The following DZANK1 variants were observed in gnomAD, a reference collection of about 807,000 sequenced individuals.
DZANK1 encodes the protein double zinc ribbon and ankyrin repeat-containing protein 1.
In DZANK1, 91 loss-of-function variants were observed where a neutral mutation model predicts 94.5. The ratio of observed to expected loss-of-function variants is 0.96; its 90% CI spans 0.81 to 1.15. The LOEUF is 1.15. Ranked by LOEUF, DZANK1 falls within the 50% of genes most tolerant of loss-of-function variation. DZANK1 has a pLI of 0.00. For missense variants in DZANK1, 903 were observed against 916.4 expected, an observed-to-expected ratio of 0.99 and a Z score of 0.19; for synonymous variants, 312 against 325.3, an observed-to-expected ratio of 0.96 and a Z score of 0.44.
chr20:18,455,330 C>A, exon 4 of DZANK1: 1 of 1,607,596 alleles, frequency 6.2e-7, no homozygotes, highest in East Asian at 2.2e-5. Context: ...ACGTGAAACA[C>A]CTTTGTCACA....
At chr20:18,411,935 AG>A (rs1478153390) in intron 13 of DZANK1, among the ~76,000 whole-genome samples, 1 of 152,080 alleles carries the variant, frequency 6.6e-6, no homozygotes, top group Non-Finnish European at 1.5e-5. Context: ...CCTCACATGG[AG>A]GGAGGGCCAA....
exon 12 of DZANK1, chr20:18,414,463 T>C: frequency 1.2e-6 from 2 of 1,613,590 alleles, no homozygotes; most frequent in South Asian, 1.1e-5. Context: ...AGACAGGTGA[T>C]TGCTGGCCCC....
Position 18,417,118 on chromosome 20 carries a change from G to A in DZANK1, c.955-1669C>T, listed in dbSNP as rs73902463. 7.3e-3 allele frequency among the ~76,000 whole-genome samples: 1,108 copies of A among 151,662 alleles called. 15 individuals carry two copies. The highest frequency in any genetic ancestry group is 0.026 in the African/African-American group (1,072 of 41,360). On this transcript the variant is annotated intron_variant, in intron 10 of 20. Transcript: ENST00000262547. ...ACAAAGAAAAGACATAAAGCTATCAGAATGAACATGCATTGTTACTTCTAT... is the reference window on the plus strand; with the variant it reads ...ACAAAGAAAAGACATAAAGCTATCAAAATGAACATGCATTGTTACTTCTAT...
chr20:18,385,447 GCT>G (rs1014107125), intron 19 of DZANK1, among the ~76,000 whole-genome samples: 9 of 151,088 alleles, frequency 6.0e-5, no homozygotes, highest in African/African-American at 2.2e-4. Context: ...ACGGAGTCTT[GCT>G]CTGTCACCCA....
intron 8 of DZANK1, among the ~76,000 whole-genome samples, chr20:18,439,489 C>T (rs906493783): frequency 3.9e-5 from 6 of 152,248 alleles, no homozygotes; most frequent in Non-Finnish European, 8.8e-5. Flanking sequence ...GAAGGCTGCC[C>T]GTCTATCATT....
At chr20:18,447,647 G>A (rs2058928308) in intron 7 of DZANK1, among the ~76,000 whole-genome samples, 2 of 152,132 alleles carry the variant, frequency 1.3e-5, no homozygotes, top group South Asian at 4.1e-4. Context: ...TTTTTTTAAA[G>A]GCCAAAAGTT....
Position 18,465,382 on chromosome 20 carries a change from A to G in DZANK1, c.-19-5T>C, listed in dbSNP as rs116724196. On this transcript the variant is annotated splice_region_variant and splice_polypyrimidine_tract_variant and intron_variant, in intron 1 of 20. Transcript: ENST00000262547. ...ATTTTCTCTCTCTCTCTCTCTCTCT[A>G]TATATATATACATATAAATTCCAAT... 1.6e-6 allele frequency: 2 copies of G among 1,240,712 alleles called. No individual in the cohort carries two copies. The highest frequency in any genetic ancestry group is 1.6e-5 in the African/African-American group (1 of 63,986). The allele number at this position is 1,240,712 out of a possible 1,614,324, so 76.9% of individuals were successfully genotyped here.
At chr20:18,460,447 T>C in intron 2 of DZANK1, 141 bp from the exon 3 acceptor site, 1 of 708,460 alleles carries the variant, frequency 1.4e-6, no homozygotes, top group Non-Finnish European at 2.1e-6. Context: ...AGTTGTGACT[T>C]AGGACAGGCA....
intron 1 of DZANK1, among the ~76,000 whole-genome samples, chr20:18,466,387 A>G (rs770257676): frequency 6.6e-6 from 1 of 152,134 alleles, no homozygotes; most frequent in Non-Finnish European, 1.5e-5. Flanking sequence ...CTGCAGTTTG[A>G]GCTTTGTCAC....
exon 10 of DZANK1, chr20:18,427,130 T>C (rs369543725): frequency 5.6e-6 from 9 of 1,613,026 alleles, no homozygotes; most frequent in Non-Finnish European, 6.8e-6. Context: ...CAGGATTTCC[T>C]GTACCACAGG....
At chr20:18,405,310 A>T (rs2056907018) in intron 13 of DZANK1, among the ~76,000 whole-genome samples, 1 of 152,230 alleles carries the variant, frequency 6.6e-6, no homozygotes, top group Non-Finnish European at 1.5e-5. Flanking sequence ...ACAATAACTA[A>T]AATAGATAAT....
chr20:18,389,863 C>T (rs2055859650), intron 18 of DZANK1, 35 bp from the exon 19 acceptor site: 1 of 1,611,840 alleles, frequency 6.2e-7, no homozygotes, highest in South Asian at 1.1e-5. Flanking sequence ...CTCTCCAAAA[C>T]ACCCTGCACT....
Position 18,394,234 on chromosome 20 carries a change from G to T in DZANK1, c.1708+20C>A, listed in dbSNP as rs1337322999. 6.2e-7 allele frequency: 1 copy of T among 1,605,410 alleles called. No homozygotes were observed. ...GTTCCTGGTCAGTTGTTTTAAAATT[G>T]CCAGAAGGGAATAACTCACCCCAGC... On this transcript the variant is annotated intron_variant, in intron 16 of 20. Coordinates refer to ENST00000262547, the Ensembl canonical transcript of DZANK1.
chr20:18,406,795 T>C (rs2056987374), intron 13 of DZANK1, among the ~76,000 whole-genome samples: 1 of 152,180 alleles, frequency 6.6e-6, no homozygotes, highest in Non-Finnish European at 1.5e-5. Flanking sequence ...CTGGATCTGC[T>C]CTGGGCCAGA....
At chr20:18,449,114 A>G in intron 6 of DZANK1, 45 bp from the exon 7 acceptor site, 1 of 1,484,898 alleles carries the variant, frequency 6.7e-7, no homozygotes, top group Non-Finnish European at 9.4e-7. Flanking sequence ...ATATAGTCAA[A>G]ATAACATGGT....
At chr20:18,452,109 A>C (rs1342151557) in intron 6 of DZANK1, 2 of 339,636 alleles carry the variant, frequency 5.9e-6, no homozygotes, top group Non-Finnish European at 1.1e-5. Flanking sequence ...ACCCCACATC[A>C]GACCAATTAA....
intron 17 of DZANK1, among the ~76,000 whole-genome samples, chr20:18,390,848 T>C (rs1463735702): frequency 6.6e-6 from 1 of 152,144 alleles, no homozygotes; most frequent in Non-Finnish European, 1.5e-5. Flanking sequence ...AGTATGACAG[T>C]TCAGAAAATA....
At chr20:18,448,590 C>T (rs145748030) in intron 7 of DZANK1, among the ~76,000 whole-genome samples, 47 of 152,076 alleles carry the variant, frequency 3.1e-4, no homozygotes, top group African/African-American at 9.9e-4. Context: ...AAGTTGGGGC[C>T]GGGTGTGGTG....
intron 10 of DZANK1, among the ~76,000 whole-genome samples, chr20:18,419,880 G>A (rs1388955399): frequency 1.5e-5 from 2 of 136,382 alleles, no homozygotes; most frequent in Admixed American, 1.5e-4. Context: ...AATAAATATT[G>A]GTGTAAATAC....
Sources: gnomAD v4.1 joint callset for allele counts (sites outside exome capture counted in the v4.1 genomes callset) on GRCh38, gnomAD v4.1.1 for gene constraint, MANE v1.5 for transcripts, NCBI Gene and HGNC (gene_info 2026-07-23, HGNC 2026-07-21) for gene names.